The following PCP4 variants were observed in gnomAD, a reference collection of about 807,000 sequenced individuals.
PCP4 encodes Purkinje cell protein 4, also known as calmodulin regulator protein PCP4.
Under a neutral mutation model 10.0 loss-of-function variants are expected in PCP4, and 8 were observed. The ratio of observed to expected loss-of-function variants is 0.80; its 90% CI spans 0.47 to 1.45. The LOEUF is 1.45. PCP4 is among the 40% of genes most tolerant of loss of function. PCP4 has a pLI of 0.00. For missense variants in PCP4, 54 were observed against 74.4 expected (o/e 0.73, Z 1.01); for synonymous variants, 21 against 23.0 (o/e 0.91, Z 0.24).
intron 2 of PCP4, among the ~76,000 whole-genome samples, chr21:39,916,742 A>G (rs1187421251): frequency 6.6e-6 from 1 of 152,246 alleles, no homozygotes; most frequent in African/African-American, 2.4e-5. Flanking sequence ...GACTGGATAA[A>G]GACCATGGAA....
At chr21:39,883,951 G>C (rs1307970832) in intron 1 of PCP4, among the ~76,000 whole-genome samples, 1 of 152,134 alleles carries the variant, frequency 6.6e-6, no homozygotes, top group Non-Finnish European at 1.5e-5. Context: ...ACATTAATGA[G>C]GTGGGTATAT....
At chr21:39,925,445 T>C (rs2087615946) in intron 2 of PCP4, among the ~76,000 whole-genome samples, 1 of 152,236 alleles carries the variant, frequency 6.6e-6, no homozygotes, top group Non-Finnish European at 1.5e-5. Context: ...CTACTGTGTG[T>C]GTGCGCTGGA....
intron 1 of PCP4, among the ~76,000 whole-genome samples, chr21:39,893,923 G>C (rs1351713991): frequency 6.6e-6 from 1 of 152,170 alleles, no homozygotes; most frequent in African/African-American, 2.4e-5. Context: ...GCTGGCTTGA[G>C]CACCAGGGAC....
chr21:39,910,471 T>C (rs1374826072), intron 2 of PCP4, among the ~76,000 whole-genome samples: 1 of 151,586 alleles, frequency 6.6e-6, no homozygotes, highest in Non-Finnish European at 1.5e-5. Context: ...TTCCCACCAG[T>C]CCATTAAAAA....
At chr21:39,868,191 ATCT>A (rs1246579654) in intron 1 of PCP4, among the ~76,000 whole-genome samples, 6 of 152,200 alleles carry the variant, frequency 3.9e-5, no homozygotes, top group African/African-American at 7.2e-5. Context: ...TTCTAAAATC[ATCT>A]TCTCCTTTTT....
intron 1 of PCP4, among the ~76,000 whole-genome samples, chr21:39,886,113 G>A (rs746604114): frequency 2.0e-5 from 3 of 152,120 alleles, no homozygotes; most frequent in South Asian, 2.1e-4. Flanking sequence ...CTCTTTACTC[G>A]ATTGCAAAGA....
chr21:39,867,606 C>T (rs1271402445), intron 1 of PCP4, 96 bp downstream of exon 1: 1 of 1,120,598 alleles, frequency 8.9e-7, no homozygotes, highest in Non-Finnish European at 1.4e-6. Flanking sequence ...CTTAGCAGTG[C>T]TGAGGAACAA....
At chr21:39,887,129 G>A (rs932273776) in intron 1 of PCP4, among the ~76,000 whole-genome samples, 6 of 152,100 alleles carry the variant, frequency 3.9e-5, no homozygotes, top group African/African-American at 9.7e-5. Flanking sequence ...ATGATGGTAC[G>A]TTTATAAATG....
intron 1 of PCP4, among the ~76,000 whole-genome samples, chr21:39,869,652 T>C (rs1218603100): frequency 1.3e-5 from 2 of 152,196 alleles, no homozygotes; most frequent in Non-Finnish European, 2.9e-5. Context: ...TTCCTGGGCA[T>C]GTGCTCCTTG....
chr21:39,898,708 A>C (rs2087469127), intron 2 of PCP4, among the ~76,000 whole-genome samples, 181 bp downstream of exon 2: 1 of 152,166 alleles, frequency 6.6e-6, no homozygotes, highest in Non-Finnish European at 1.5e-5. Context: ...AAGAAAACTG[A>C]GCTAGCTAAA....
chr21:39,901,354 G>A (rs1382431850), intron 2 of PCP4, among the ~76,000 whole-genome samples: 2 of 152,234 alleles, frequency 1.3e-5, no homozygotes, highest in Non-Finnish European at 2.9e-5. Context: ...CATGTCTCAT[G>A]TCATGCCTTG....
chr21:39,916,364 C>A (rs1568860921), intron 2 of PCP4, among the ~76,000 whole-genome samples: 1 of 152,230 alleles, frequency 6.6e-6, no homozygotes. Flanking sequence ...TGGCCCCAGT[C>A]TAACTGGTTA....
intron 1 of PCP4, among the ~76,000 whole-genome samples, chr21:39,870,123 A>G (rs1296177870): frequency 2.6e-5 from 4 of 152,210 alleles, no homozygotes; most frequent in Admixed American, 6.5e-5. Context: ...CCTTTAAGGG[A>G]AAGGTGGAGT....
intron 2 of PCP4, among the ~76,000 whole-genome samples, chr21:39,925,382 C>T (rs114321731): frequency 0.01 from 1,542 of 152,300 alleles, 32 homozygotes; most frequent in African/African-American, 0.035. Flanking sequence ...TTGACAGCTG[C>T]CTAGCATATT....
intron 2 of PCP4, among the ~76,000 whole-genome samples, chr21:39,913,309 A>C (rs2087550042): frequency 6.6e-6 from 1 of 152,156 alleles, no homozygotes; most frequent in Admixed American, 6.5e-5. Context: ...AAGGGACGTG[A>C]GGGGCTGTGG....
chr21:39,927,351 A>G (rs1198724860), intron 2 of PCP4, among the ~76,000 whole-genome samples: 1,388 of 67,482 alleles, frequency 0.021, 11 homozygotes, highest in Non-Finnish European at 0.025. Flanking sequence ...CTATCTATCT[A>G]TCTATCTATC....
At chr21:39,917,628 C>A (rs1277531243) in intron 2 of PCP4, among the ~76,000 whole-genome samples, 1 of 152,208 alleles carries the variant, frequency 6.6e-6, no homozygotes, top group Non-Finnish European at 1.5e-5. Context: ...AGGATTTGAA[C>A]CTCAGGAAGG....
At chr21:39,912,635 A>G (rs966416358) in intron 2 of PCP4, among the ~76,000 whole-genome samples, 2 of 152,050 alleles carry the variant, frequency 1.3e-5, no homozygotes, top group African/African-American at 4.8e-5. Flanking sequence ...ACTTTTCACA[A>G]CCCTGGGAAG....
intron 1 of PCP4, among the ~76,000 whole-genome samples, chr21:39,888,309 C>G (rs2299752): frequency 6.6e-6 from 1 of 151,988 alleles, no homozygotes; most frequent in African/African-American, 2.4e-5. Flanking sequence ...ACGTTGGGAA[C>G]GGGGGGCAAA....
Sources: gnomAD v4.1 joint callset for allele counts (sites outside exome capture counted in the v4.1 genomes callset) on GRCh38, gnomAD v4.1.1 for gene constraint, MANE v1.5 for transcripts, NCBI Gene and HGNC (gene_info 2026-07-23, HGNC 2026-07-21) for gene names.